Variants in RAB38 observed in about 807,000 individuals in gnomAD.
RAB38 encodes RAB38, member RAS oncogene family.
A neutral mutation model predicts 18.4 loss-of-function variants in RAB38; 15 were observed. The observed-to-expected ratio is 0.82, with a 90% CI of 0.55 to 1.26. The LOEUF is 1.26. Ranked by LOEUF, RAB38 falls within the 50% of genes most tolerant of loss-of-function variation. The pLI is 0.00. For synonymous variants in RAB38, 101 were observed against 104.4 expected, an observed-to-expected ratio of 0.97 and a Z score of 0.20; for missense variants, 294 against 267.4, an observed-to-expected ratio of 1.10 and a Z score of -0.69.
the RAB38 span, among the ~76,000 whole-genome samples, chr11:88,015,766 A>G: frequency 3.9e-5 from 6 of 152,124 alleles, no homozygotes; most frequent in Admixed American, 2.0e-4. Flanking sequence ...GGTTAAAAAA[A>G]TGTCTTGAGT....
chr11:88,149,826 T>G lies in RAB38; in HGVS notation c.332A>C (p.Lys111Thr). 6.2e-7 allele frequency: 1 copy of G among 1,614,130 alleles called. No homozygotes were observed. Among genetic ancestry groups the G allele is most frequent in the Non-Finnish European group, 8.5e-7 (1 of 1,180,026 alleles). Residue 111 changes from lysine to threonine, a missense_variant, in exon 2 of 3, where the codon AAG becomes ACG. Transcript: ENST00000243662. ...VAKWKNDLDSKLSLPNGKPVS... is the reference protein window; with the variant it reads ...VAKWKNDLDSTLSLPNGKPVS... ...CGGTTTGCCATTAGGGAGACTTAAC[T>G]TGGAGTCCAAATCATTTTTCCACTT...
the RAB38 span, among the ~76,000 whole-genome samples, chr11:88,039,858 G>C: frequency 1.3e-5 from 2 of 152,182 alleles, no homozygotes; most frequent in African/African-American, 4.8e-5. Context: ...AATGCTCGTG[G>C]GAGTGGGATT....
the RAB38 span, among the ~76,000 whole-genome samples, chr11:87,943,408 TC>T: frequency 6.6e-6 from 1 of 152,168 alleles, no homozygotes; most frequent in African/African-American, 2.4e-5. Context: ...CCTCTCTGGT[TC>T]TTCCCCTCTG....
At chr11:88,062,121 T>G in the RAB38 span, 2 of 152,208 alleles carry the variant, frequency 1.3e-5, no homozygotes, top group Admixed American at 6.5e-5. Flanking sequence ...TGATATGGTT[T>G]GGCTCTGTGT....
chr11:87,932,599 TC>T, the RAB38 span, among the ~76,000 whole-genome samples: 2 of 152,098 alleles, frequency 1.3e-5, no homozygotes, highest in African/African-American at 2.4e-5. Flanking sequence ...CTCACTTAGA[TC>T]CTAGTGTAAT....
intron 2 of RAB38, among the ~76,000 whole-genome samples, chr11:88,121,154 A>T (rs1048935481): frequency 6.6e-6 from 1 of 152,212 alleles, no homozygotes; most frequent in African/African-American, 2.4e-5. Context: ...GTTCCCTGGT[A>T]CTTCGTACCC....
At chr11:87,846,088 TAAATC>T in the RAB38 span, among the ~76,000 whole-genome samples, 26 of 151,980 alleles carry the variant, frequency 1.7e-4, no homozygotes, top group Admixed American at 2.6e-4. Context: ...AAGAACCACT[TAAATC>T]AAATCAAAAC....
At chr11:88,160,357 G>A (rs1180034185) in intron 1 of RAB38, among the ~76,000 whole-genome samples, 2 of 152,074 alleles carry the variant, frequency 1.3e-5, no homozygotes, top group African/African-American at 4.8e-5. Context: ...CAGAGAAAAT[G>A]GAATGCATAT....
At chr11:88,145,076 G>A (rs1007987140) in intron 2 of RAB38, among the ~76,000 whole-genome samples, 1 of 152,098 alleles carries the variant, frequency 6.6e-6, no homozygotes. Flanking sequence ...GGTGTAGAGT[G>A]TGCAAAGTGT....
chr11:88,051,397 T>A, the RAB38 span, among the ~76,000 whole-genome samples: 6 of 151,162 alleles, frequency 4.0e-5, no homozygotes, highest in Admixed American at 2.6e-4. Flanking sequence ...AGTGGTGACA[T>A]ACATCACCAC....
the RAB38 span, among the ~76,000 whole-genome samples, chr11:88,031,076 A>G: frequency 6.6e-6 from 1 of 151,102 alleles, no homozygotes; most frequent in Non-Finnish European, 1.5e-5. Flanking sequence ...GGTTCAATAT[A>G]CACAAATCAA....
chr11:88,107,493 TG>T, the RAB38 span, among the ~76,000 whole-genome samples: 3 of 151,694 alleles, frequency 2.0e-5, no homozygotes, highest in Non-Finnish European at 2.9e-5. Context: ...CTATACTAAG[TG>T]TTTTACATGT....
At chr11:88,026,708 G>A in the RAB38 span, among the ~76,000 whole-genome samples, 1 of 150,150 alleles carries the variant, frequency 6.7e-6, no homozygotes, top group Non-Finnish European at 1.5e-5. Context: ...TAGGAAAAGT[G>A]TTGTTTATAG....
At chr11:87,884,860 T>A in the RAB38 span, among the ~76,000 whole-genome samples, 1 of 151,892 alleles carries the variant, frequency 6.6e-6, no homozygotes, top group African/African-American at 2.4e-5. Flanking sequence ...AATCTACAGT[T>A]CGGCAAAATC....
At chr11:87,855,084 C>G in the RAB38 span, among the ~76,000 whole-genome samples, 2 of 152,236 alleles carry the variant, frequency 1.3e-5, no homozygotes, top group Non-Finnish European at 2.9e-5. Context: ...CATGAGCCAC[C>G]GCGCCTGGCC....
the RAB38 span, among the ~76,000 whole-genome samples, chr11:88,085,225 C>T: frequency 6.6e-6 from 1 of 151,930 alleles, no homozygotes; most frequent in Non-Finnish European, 1.5e-5. Context: ...ACCTCATTCA[C>T]TTCTTTCACT....
the RAB38 span, among the ~76,000 whole-genome samples, chr11:88,053,292 T>C: frequency 7.4e-6 from 1 of 134,358 alleles, no homozygotes; most frequent in Non-Finnish European, 1.5e-5. Context: ...ATGGAATATA[T>C]ATATACACAC....
At chr11:87,939,024 C>G in the RAB38 span, among the ~76,000 whole-genome samples, 2 of 151,894 alleles carry the variant, frequency 1.3e-5, no homozygotes, top group African/African-American at 4.8e-5. Context: ...TTAGTACCTG[C>G]CAGATAACGA....
intron 1 of RAB38, among the ~76,000 whole-genome samples, chr11:88,153,173 A>G (rs1943083875): frequency 6.6e-6 from 1 of 152,198 alleles, no homozygotes; most frequent in Admixed American, 6.5e-5. Flanking sequence ...GCTCAGACAC[A>G]TGTATTTCTC....
Sources: gnomAD v4.1 joint callset for allele counts (sites outside exome capture counted in the v4.1 genomes callset) on GRCh38, gnomAD v4.1.1 for gene constraint, MANE v1.5 for transcripts, NCBI Gene and HGNC (gene_info 2026-07-23, HGNC 2026-07-21) for gene names.